The following CTNNA2 variants were observed in gnomAD, a reference collection of about 807,000 sequenced individuals.
The protein encoded by CTNNA2 is catenin alpha-2.
CTNNA2 carries 42 observed loss-of-function variants against 101.0 expected under a neutral mutation model. That is an observed-to-expected ratio of 0.42 (90% CI 0.32 to 0.54). The LOEUF is 0.54. Among genes scored for constraint, CTNNA2 ranks in the 20% least tolerant of loss-of-function variants. The pLI is 0.14. For synonymous variants in CTNNA2, 450 were observed against 456.4 expected, an observed-to-expected ratio of 0.99 and a Z score of 0.18; for missense variants, 871 against 1,223.1, an observed-to-expected ratio of 0.71 and a Z score of 4.29.
At chr2:79,814,022 C>T (rs1190247478) in intron 3 of CTNNA2, among the ~76,000 whole-genome samples, 1 of 152,062 alleles carries the variant, frequency 6.6e-6, no homozygotes, top group Non-Finnish European at 1.5e-5. Flanking sequence ...GCTCCAATCT[C>T]TGCCTTTGTT....
chr2:79,336,553 C>T (rs1382805823), intron 3 of CTNNA2, among the ~76,000 whole-genome samples: 1 of 152,168 alleles, frequency 6.6e-6, no homozygotes, highest in African/African-American at 2.4e-5. Context: ...GAGTCTAATT[C>T]ATCCTGATCC....
At chr2:80,227,889 C>T (rs982573523) in intron 7 of CTNNA2, among the ~76,000 whole-genome samples, 1 of 151,876 alleles carries the variant, frequency 6.6e-6, no homozygotes, top group Admixed American at 6.6e-5. Flanking sequence ...TGGAGAATAA[C>T]CACATGCTTA....
At chr2:80,389,150 A>G (rs541406858) in intron 7 of CTNNA2, among the ~76,000 whole-genome samples, 23 of 152,306 alleles carry the variant, frequency 1.5e-4, no homozygotes, top group Non-Finnish European at 3.1e-4. Flanking sequence ...TAGTTTCTAA[A>G]TCAATTCTTT....
chr2:79,669,926 C>T (rs776889933), intron 2 of CTNNA2, among the ~76,000 whole-genome samples: 7 of 152,298 alleles, frequency 4.6e-5, no homozygotes, highest in East Asian at 3.9e-4. Flanking sequence ...GGCAGCCCAG[C>T]CCCCAGCCAT....
chr2:79,390,935 A>G (rs1222510658), intron 4 of CTNNA2, among the ~76,000 whole-genome samples: 1 of 152,188 alleles, frequency 6.6e-6, no homozygotes, highest in Non-Finnish European at 1.5e-5. Context: ...TTACTTAGTC[A>G]ATGAAAAAGA....
At chr2:79,716,061 CCT>C (rs1176473258) in intron 2 of CTNNA2, among the ~76,000 whole-genome samples, 4 of 151,756 alleles carry the variant, frequency 2.6e-5, no homozygotes, top group Non-Finnish European at 5.9e-5. Flanking sequence ...ATATCTTCCC[CCT>C]GTTAGGAAGC....
At chr2:80,094,549 A>G (rs1700018734) in intron 7 of CTNNA2, among the ~76,000 whole-genome samples, 1 of 152,156 alleles carries the variant, frequency 6.6e-6, no homozygotes, top group Admixed American at 6.5e-5. Flanking sequence ...GAAGCAAGTC[A>G]TTGGTAGCTT....
At chr2:80,358,422 C>T (rs1010720315) in intron 7 of CTNNA2, among the ~76,000 whole-genome samples, 5 of 141,866 alleles carry the variant, frequency 3.5e-5, no homozygotes, top group African/African-American at 1.3e-4. Flanking sequence ...GCAATCTTGG[C>T]TCACTGCAAG....
chr2:80,352,449 T>C (rs1673387624), intron 7 of CTNNA2, among the ~76,000 whole-genome samples: 1 of 152,140 alleles, frequency 6.6e-6, no homozygotes, highest in South Asian at 2.1e-4. Flanking sequence ...AAATGTAAAC[T>C]CAACTATAGT....
chr2:79,956,635 C>G (rs1480649094), intron 7 of CTNNA2, among the ~76,000 whole-genome samples: 1 of 152,094 alleles, frequency 6.6e-6, no homozygotes, highest in African/African-American at 2.4e-5. Context: ...TTTATCGAAC[C>G]CATTTTTCTG....
At chr2:80,340,428 T>C (rs188034704) in intron 7 of CTNNA2, among the ~76,000 whole-genome samples, 111 of 152,356 alleles carry the variant, frequency 7.3e-4, no homozygotes, top group African/African-American at 2.4e-3. Context: ...GAATACCCTC[T>C]TATAATGGTT....
intron 1 of CTNNA2, among the ~76,000 whole-genome samples, chr2:79,522,553 T>TAGA (rs1672175582): frequency 6.6e-6 from 1 of 152,166 alleles, no homozygotes; most frequent in Non-Finnish European, 1.5e-5. Flanking sequence ...CAACTTTGCT[T>TAGA]CAGCAATGGA....
chr2:79,351,842 A>T (rs1677395052), intron 3 of CTNNA2, among the ~76,000 whole-genome samples: 1 of 152,166 alleles, frequency 6.6e-6, no homozygotes. Flanking sequence ...ACCATTGATG[A>T]ACATCGTATT....
chr2:79,428,551 G>A (rs1353676223), intron 4 of CTNNA2, among the ~76,000 whole-genome samples: 2 of 151,806 alleles, frequency 1.3e-5, no homozygotes. Flanking sequence ...AGGTGGAGGT[G>A]GTAGATACAT....
intron 7 of CTNNA2, among the ~76,000 whole-genome samples, chr2:79,948,168 G>C (rs1688632713): frequency 1.3e-5 from 2 of 152,304 alleles, no homozygotes; most frequent in African/African-American, 4.8e-5. Flanking sequence ...TCTTCAACAA[G>C]AGAGTGAGAT....
intron 2 of CTNNA2, among the ~76,000 whole-genome samples, chr2:79,709,396 C>G (rs773672881): frequency 3.3e-5 from 5 of 152,008 alleles, no homozygotes; most frequent in Non-Finnish European, 5.9e-5. Flanking sequence ...GAAAGATATA[C>G]CAGGGACTCA....
At chr2:79,298,351 A>T (rs1241809777) in intron 2 of CTNNA2, among the ~76,000 whole-genome samples, 1 of 152,144 alleles carries the variant, frequency 6.6e-6, no homozygotes, top group African/African-American at 2.4e-5. Flanking sequence ...GCCACTTATG[A>T]GGAATCAGAC....
At chr2:79,228,616 G>C (rs754111059) in intron 2 of CTNNA2, among the ~76,000 whole-genome samples, 1 of 151,696 alleles carries the variant, frequency 6.6e-6, no homozygotes, top group Non-Finnish European at 1.5e-5. Context: ...TTTTTGCTTC[G>C]TGATTTAAGT....
intron 2 of CTNNA2, among the ~76,000 whole-genome samples, chr2:79,703,304 T>C (rs1685133542): frequency 6.6e-6 from 1 of 152,212 alleles, no homozygotes; most frequent in Non-Finnish European, 1.5e-5. Context: ...GCTTAAAAGA[T>C]TGTAACTTGG....
Sources: allele counts gnomAD v4.1 joint callset (sites outside exome capture counted in the v4.1 genomes callset), GRCh38; gene constraint gnomAD v4.1.1; transcripts MANE v1.5; gene names NCBI Gene and HGNC (gene_info 2026-07-23, HGNC 2026-07-21).